Variants in STYK1 observed in about 807,000 individuals in gnomAD.
The protein encoded by STYK1 is tyrosine-protein kinase STYK1.
Under a neutral mutation model 48.1 loss-of-function variants are expected in STYK1, and 46 were observed. That is an observed-to-expected ratio of 0.96 (90% CI 0.75 to 1.22). STYK1 has a LOEUF of 1.22. Among genes scored for constraint, STYK1 ranks in the 50% most tolerant of loss-of-function variants. STYK1 has a pLI of 0.00. For missense variants in STYK1, 527 were observed against 521.1 expected (o/e 1.01, Z -0.11); for synonymous variants, 188 against 189.0 (o/e 0.99, Z 0.04).
At chr12:10,664,837 A>C (rs1237534869) in intron 1 of STYK1, among the ~76,000 whole-genome samples, 1 of 152,166 alleles carries the variant, frequency 6.6e-6, no homozygotes, top group Non-Finnish European at 1.5e-5. Flanking sequence ...TTTTTTTCTA[A>C]TGCTGCAAAA....
rs746888308 is a variant in STYK1 at position 10,620,290 on chromosome 12, C to T, written c.1123G>A (p.Glu375Lys). 2 of 1,613,994 alleles carry T rather than the reference C, an allele frequency of 1.2e-6. No homozygotes were observed. Among genetic ancestry groups the T allele is most frequent in the Non-Finnish European group, 1.7e-6 (2 of 1,180,036 alleles). Residue 375 changes from glutamate (E) to lysine (K), a missense_variant, in exon 11 of 11, where the codon GAG (glutamate) becomes AAG (lysine). Coordinates refer to ENST00000075503, the MANE Select transcript of STYK1 (RefSeq NM_018423.3). ...GCAGCTTCTAGGCGCAAGCGCAGCT[C>T]TCTAGGTGAGGGGCGGTCAGCCTCA... ...WREADRPSPR[E>K]LRLRLEAAIK...
At chr12:10,623,857 C>T (rs74326463) in intron 8 of STYK1, among the ~76,000 whole-genome samples, 2,315 of 152,102 alleles carry the variant, frequency 0.015, 52 homozygotes, top group African/African-American at 0.041. Flanking sequence ...AAAAGAACAA[C>T]GTGTAACTTC....
intron 1 of STYK1, among the ~76,000 whole-genome samples, chr12:10,656,529 G>A (rs1240528090): frequency 6.6e-6 from 1 of 152,120 alleles, no homozygotes; most frequent in Non-Finnish European, 1.5e-5. Flanking sequence ...GGAGGCTGAG[G>A]CAGGAGAATG....
intron 1 of STYK1, among the ~76,000 whole-genome samples, chr12:10,642,789 G>C (rs771041229): frequency 3.3e-5 from 5 of 152,128 alleles, no homozygotes; most frequent in Non-Finnish European, 7.3e-5. Context: ...TTGAGAAAGA[G>C]AGATTTAAAC....
Position 10,646,229 on chromosome 12 carries a change from A to T in STYK1, c.-194-9033T>A, listed in dbSNP as rs563332040. On this transcript the variant is annotated intron_variant, in intron 1 of 10. Transcript: ENST00000075503. ...AGAAGAAGACAGGAAACTGTGGGAA[A>T]GTTTGAAATTCCCTAGAGACTTGTT... is the stretch of plus-strand genomic sequence containing the variant. Among the ~76,000 whole-genome samples the T allele has an allele frequency of 3.0e-4, 45 of 152,350 alleles. No homozygotes were observed. In the South Asian group the frequency reaches 8.7e-3, roughly 30 times the overall value.
intron 5 of STYK1, 58 bp downstream of exon 5, chr12:10,630,987 C>T (rs1240586595): frequency 6.3e-7 from 1 of 1,591,096 alleles, no homozygotes; most frequent in Non-Finnish European, 8.6e-7. Flanking sequence ...TCAATGTTCG[C>T]AAAGCCTGTT....
rs77754436 is a variant in STYK1, at chr12:10,652,977, C to T, written c.-194-15781G>A. On this transcript the variant is annotated intron_variant, in intron 1 of 10. Transcript: ENST00000075503. ...ATGCTTGGTGAAAAGGAAGAAACTT[C>T]TCCTGAAATAGGGAAAGGAGTCAGG... Among the ~76,000 whole-genome samples the T allele has an allele frequency of 8.8e-3, 1,337 of 152,298 alleles. 21 individuals carry two copies. The highest frequency in any genetic ancestry group is 0.03 in the African/African-American group (1,254 of 41,554).
intron 4 of STYK1, among the ~76,000 whole-genome samples, chr12:10,632,227 G>A (rs1170062887): frequency 6.6e-6 from 1 of 151,942 alleles, no homozygotes; most frequent in Non-Finnish European, 1.5e-5. Context: ...AAAGGTGGTG[G>A]GGAGAAGAAG....
intron 1 of STYK1, among the ~76,000 whole-genome samples, chr12:10,652,583 T>C (rs937280049): frequency 5.3e-5 from 8 of 152,216 alleles, no homozygotes; most frequent in Non-Finnish European, 8.8e-5. Flanking sequence ...AGTAAAGCTT[T>C]TCTATGCTGA....
intron 8 of STYK1, among the ~76,000 whole-genome samples, chr12:10,624,086 A>C (rs925234992): frequency 1.2e-4 from 18 of 144,058 alleles, no homozygotes; most frequent in African/African-American, 4.2e-4. Flanking sequence ...TAATCTTTTC[A>C]CTTTTTTTTT....
At chr12:10,667,766 T>C (rs1368243649) in intron 1 of STYK1, among the ~76,000 whole-genome samples, 2 of 152,180 alleles carry the variant, frequency 1.3e-5, no homozygotes, top group Non-Finnish European at 1.5e-5. Context: ...GAAGCTTGGA[T>C]ACGACTTAGA....
chr12:10,670,851 A>G (rs1433632130), intron 1 of STYK1, among the ~76,000 whole-genome samples: 1 of 149,578 alleles, frequency 6.7e-6, no homozygotes, highest in Non-Finnish European at 1.5e-5. Flanking sequence ...TATAATTTTT[A>G]ATTTTTTTAA....
chr12:10,670,295 C>T (rs1348009112), intron 1 of STYK1, among the ~76,000 whole-genome samples: 1 of 152,068 alleles, frequency 6.6e-6, no homozygotes, highest in Non-Finnish European at 1.5e-5. Context: ...TTTATTGCAG[C>T]ATTGTTCACA....
intron 1 of STYK1, among the ~76,000 whole-genome samples, chr12:10,642,224 G>C (rs1303691338): frequency 6.6e-6 from 1 of 152,168 alleles, no homozygotes; most frequent in African/African-American, 2.4e-5. Context: ...CCTGGAATCT[G>C]ATGGATATCT....
At chr12:10,629,354 T>C in intron 6 of STYK1, 139 bp downstream of exon 6, 2 of 847,840 alleles carry the variant, frequency 2.4e-6, no homozygotes, top group Non-Finnish European at 3.6e-6. Context: ...AAAAGTTCTA[T>C]TATATGGTCA....
chr12:10,640,072 C>T (rs975065309), intron 1 of STYK1, among the ~76,000 whole-genome samples: 2 of 152,084 alleles, frequency 1.3e-5, no homozygotes, highest in African/African-American at 4.8e-5. Context: ...TAGTATTCAC[C>T]AGATTATGTC....
At chr12:10,623,561 C>CA (rs1947323095) in intron 8 of STYK1, among the ~76,000 whole-genome samples, 1 of 151,706 alleles carries the variant, frequency 6.6e-6, no homozygotes. Flanking sequence ...GGATTAAATG[C>CA]AAAAAAGTGT....
At chr12:10,631,578 A>G (rs1947429643) in intron 4 of STYK1, among the ~76,000 whole-genome samples, 1 of 152,212 alleles carries the variant, frequency 6.6e-6, no homozygotes, top group African/African-American at 2.4e-5. Flanking sequence ...CTGGGTTACA[A>G]TTGAGTACTT....
intron 1 of STYK1, among the ~76,000 whole-genome samples, chr12:10,663,563 C>T (rs1348272390): frequency 8.1e-6 from 1 of 123,254 alleles, no homozygotes; most frequent in Admixed American, 1.1e-4. Flanking sequence ...GGCGCCACTG[C>T]ACTCCAGCCT....
Sources: allele counts gnomAD v4.1 joint callset (sites outside exome capture counted in the v4.1 genomes callset), GRCh38; gene constraint gnomAD v4.1.1; transcripts MANE v1.5; gene names NCBI Gene and HGNC (gene_info 2026-07-23, HGNC 2026-07-21).